Variants in MYH4 observed in about 807,000 individuals in gnomAD.
The protein encoded by MYH4 is myosin heavy chain 4, also known as myosin-4.
A neutral mutation model predicts 229.9 loss-of-function variants in MYH4; 200 were observed. The ratio of observed to expected loss-of-function variants is 0.87; its 90% CI spans 0.78 to 0.98. The LOEUF is 0.98. MYH4 is among the 50% of genes least tolerant of loss of function. The probability of loss-of-function intolerance (pLI) is 0.00; values close to 1 mark genes in which losing one functional copy is unlikely to be tolerated. For synonymous variants in MYH4, 761 were observed against 834.6 expected, an observed-to-expected ratio of 0.91 and a Z score of 1.52; for missense variants, 2,148 against 2,332.6, an observed-to-expected ratio of 0.92 and a Z score of 1.63.
chr17:10,468,137 GT>G (rs1010507464), intron 2 of MYH4, among the ~76,000 whole-genome samples: 1 of 151,916 alleles, frequency 6.6e-6, no homozygotes, highest in African/African-American at 2.4e-5. Context: ...TTAATGTCAG[GT>G]TTTTTTTCTT....
Position 10,452,898 on chromosome 17 carries a change from CAA to C in MYH4, c.3144_3145del (p.Cys1049HisfsTer13). 1.2e-6 allele frequency: 2 copies of C among 1,602,028 alleles called. No homozygotes were observed. Among genetic ancestry groups the C allele is most frequent in the African/African-American group, 1.4e-5 (1 of 74,002 alleles). On this transcript the variant is annotated frameshift_variant, in exon 25 of 40. Transcript: ENST00000255381. LOFTEE classifies it high-confidence loss of function. ...TCTCTTGGCTCTTTCTAAGTCCATG[CAA>C]AGTTTCTTTTCTTGTTCCAGAGATC...
intron 11 of MYH4, 102 bp from the exon 12 acceptor site, chr17:10,461,156 T>C: frequency 1.5e-6 from 2 of 1,306,404 alleles, no homozygotes; most frequent in East Asian, 4.6e-5. Flanking sequence ...CGCCTTGCCT[T>C]ATATTTGACT....
rs1447944036 is a variant in MYH4, at chr17:10,445,363, C to T, written c.5170-1G>A. On this transcript the variant is annotated splice_acceptor_variant, in intron 35 of 39. Coordinates refer to ENST00000255381, the MANE Select transcript of MYH4 (RefSeq NM_017533.2). LOFTEE classifies it high-confidence loss of function. ...TCTTGGTGTTGATCAGGCTGGTGTT[C>T]TGTTTCAAATTAATGAAAGAGAAGA... 1 of 1,608,294 alleles carries T rather than the reference C, an allele frequency of 6.2e-7. No homozygotes were observed. The highest frequency in any genetic ancestry group is 2.3e-5 in the East Asian group (1 of 44,058).
intron 30 of MYH4, 61 bp from the exon 31 acceptor site, chr17:10,449,108 A>T (rs987052741): frequency 6.9e-7 from 1 of 1,441,322 alleles, no homozygotes; most frequent in Non-Finnish European, 9.6e-7. Context: ...AGTGCCCTTT[A>T]TAAAGCTGCT....
chr17:10,466,223 CAT>C (rs546592961), intron 4 of MYH4, 48 bp downstream of exon 4: 16,006 of 1,596,050 alleles, frequency 0.01, 120 homozygotes, highest in Non-Finnish European at 0.011. Flanking sequence ...TTTTAGCTAA[CAT>C]GTGTAGAATG....
At chr17:10,467,837 C>T (rs1046783802) in intron 2 of MYH4, among the ~76,000 whole-genome samples, 4 of 152,130 alleles carry the variant, frequency 2.6e-5, no homozygotes, top group African/African-American at 9.7e-5. Flanking sequence ...GTCCTGATGG[C>T]AAGGACAGGG....
At chr17:10,447,722 G>T in intron 34 of MYH4, 96 bp downstream of exon 34, 1 of 1,200,828 alleles carries the variant, frequency 8.3e-7, no homozygotes, top group Non-Finnish European at 1.2e-6. Flanking sequence ...TGTTGCTTAG[G>T]TGATTTATGA....
rs2142218322 is a variant in MYH4 at position 10,453,544 on chromosome 17, G to A, written c.2934+99C>T. ...AAGAGATGAAATAGTTATGACAGTGGTATTTTTTATATTCAATCATCTTAA... is the reference window on the plus strand; with the variant it reads ...AAGAGATGAAATAGTTATGACAGTGATATTTTTTATATTCAATCATCTTAA... On this transcript the variant is annotated intron_variant, in intron 23 of 39. Transcript: ENST00000255381. 9.5e-6 allele frequency: 15 copies of A among 1,584,670 alleles called. No homozygotes were observed. In the South Asian group the frequency reaches 1.7e-4, roughly 18 times the overall value.
intron 34 of MYH4, 89 bp from the exon 35 acceptor site, chr17:10,447,305 C>T: frequency 2.6e-6 from 3 of 1,166,462 alleles, no homozygotes; most frequent in African/African-American, 1.5e-5. Context: ...ATCTTAATGA[C>T]TTAGAGTATG....
intron 22 of MYH4, 70 bp downstream of exon 22, chr17:10,454,485 A>C: frequency 6.5e-7 from 1 of 1,546,494 alleles, no homozygotes; most frequent in Non-Finnish European, 8.7e-7. Context: ...CAAATGTTTC[A>C]GTGGAAACCA....
At position 10,452,867 on chromosome 17, in the gene MYH4, C is replaced by T. The variant is rs749303753; in HGVS notation, c.3177G>A (p.Leu1059=). The part of the protein sequence containing the change: ...CMDLERAKRK[L]EGDLKLAQES... ...CTTGGGCCAATTTTAGGTCACCCTCCAGTTTTCTCTTGGCTCTTTCTAAGT... is the reference window on the plus strand; with the variant it reads ...CTTGGGCCAATTTTAGGTCACCCTCTAGTTTTCTCTTGGCTCTTTCTAAGT... Residue 1059 remains leucine, a synonymous_variant, in exon 25 of 40, where the codon CTG becomes CTA. Transcript: ENST00000255381. The T allele has an allele frequency of 9.9e-6, 16 of 1,609,024 alleles. No individual in the cohort carries two copies. In the South Asian group the frequency reaches 1.5e-4, roughly 15 times the overall value.
At chr17:10,444,950 A>G (rs768902070) in intron 37 of MYH4, 26 bp downstream of exon 37, 1 of 1,614,062 alleles carries the variant, frequency 6.2e-7, no homozygotes, top group Admixed American at 1.7e-5. Flanking sequence ...GGCCACAAGG[A>G]ATTGAGTGAA....
chr17:10,445,842 C>T (rs1361643631), intron 35 of MYH4, among the ~76,000 whole-genome samples: 1 of 151,866 alleles, frequency 6.6e-6, no homozygotes, highest in East Asian at 1.9e-4. Flanking sequence ...TCCTGGCTAA[C>T]ACGGTGAAAC....
At chr17:10,466,862 T>G (rs1178430028) in intron 2 of MYH4, 78 bp from the exon 3 acceptor site, 75 of 1,311,098 alleles carry the variant, frequency 5.7e-5, no homozygotes, top group Non-Finnish European at 7.7e-5. Flanking sequence ...ATTAATGTGC[T>G]TAATTTTCCA....
chr17:10,455,119 G>C (rs1567702297), intron 20 of MYH4, 42 bp from the exon 21 acceptor site: 1 of 1,613,968 alleles, frequency 6.2e-7, no homozygotes, highest in Admixed American at 1.7e-5. Context: ...CCACTTACAG[G>C]AAAGTCTAAA....
intron 16 of MYH4, 130 bp from the exon 17 acceptor site, chr17:10,456,685 T>G (rs2072642768): frequency 3.0e-6 from 2 of 677,042 alleles, no homozygotes; most frequent in South Asian, 4.0e-5. Flanking sequence ...ATTCCTATTC[T>G]TTCCATATCT....
chr17:10,465,696 G>T, intron 4 of MYH4, 98 bp from the exon 5 acceptor site: 3 of 1,385,456 alleles, frequency 2.2e-6, no homozygotes, highest in South Asian at 1.3e-5. Flanking sequence ...TAAGTACTGT[G>T]TTAGTTCTCA....
chr17:10,451,457 G>A lies in MYH4; in HGVS notation c.3739-5C>T. 1 of 1,612,544 alleles carries A rather than the reference G, an allele frequency of 6.2e-7. No individual in the cohort carries two copies. Among genetic ancestry groups the A allele is most frequent in the Non-Finnish European group, 8.5e-7 (1 of 1,179,458 alleles). On this transcript the variant is annotated splice_region_variant and splice_polypyrimidine_tract_variant and intron_variant, in intron 27 of 39. Coordinates refer to ENST00000255381, the MANE Select transcript of MYH4 (RefSeq NM_017533.2). ...GCACATTTTCTCAAAGTTTGCCTGGGGTGAGAGGTAGAAAACAGGAAGAGA... is the reference window on the plus strand; with the variant it reads ...GCACATTTTCTCAAAGTTTGCCTGGAGTGAGAGGTAGAAAACAGGAAGAGA...
Position 10,447,011 on chromosome 17 carries a change from A to G in MYH4, c.5169+2T>C. On this transcript the variant is annotated splice_donor_variant, in intron 35 of 39. Transcript: ENST00000255381. LOFTEE classifies it high-confidence loss of function. ...TTTCTAAACCATAGTCTTGAACCTC[A>G]CCTGAGTGTGCAGAAGTTGCACACG... is the stretch of plus-strand genomic sequence containing the variant. 1 of 1,613,598 alleles carries G rather than the reference A, an allele frequency of 6.2e-7. No homozygotes were observed. Among genetic ancestry groups the G allele is most frequent in the Non-Finnish European group, 8.5e-7 (1 of 1,179,684 alleles).
Sources: allele counts gnomAD v4.1 joint callset (sites outside exome capture counted in the v4.1 genomes callset), GRCh38; gene constraint gnomAD v4.1.1; transcripts MANE v1.5; gene names NCBI Gene and HGNC (gene_info 2026-07-23, HGNC 2026-07-21).